SENP6: variants seen among roughly 807,000 people sequenced by gnomAD.
SENP6 encodes the protein sentrin-specific protease 6.
Under a neutral mutation model 134.5 loss-of-function variants are expected in SENP6, and 41 were observed. That is an observed-to-expected ratio of 0.30 (90% CI 0.24 to 0.40). SENP6 has a LOEUF of 0.40. SENP6 is among the 10% of genes least tolerant of loss of function. SENP6 has a pLI of 1.00. For missense variants in SENP6, 1,248 were observed against 1,312.5 expected (o/e 0.95, Z 0.76); for synonymous variants, 395 against 429.8 (o/e 0.92, Z 1.00).
chr6:75,642,765 G>A (rs569162999), intron 6 of SENP6, among the ~76,000 whole-genome samples: 74 of 152,196 alleles, frequency 4.9e-4, no homozygotes, highest in Non-Finnish European at 9.4e-4. Context: ...TTTATAATTT[G>A]GCATAAATAG....
chr6:75,672,475 T>G (rs1053260182), intron 11 of SENP6, among the ~76,000 whole-genome samples: 1 of 152,226 alleles, frequency 6.6e-6, no homozygotes, highest in Non-Finnish European at 1.5e-5. Context: ...TAATGCTAAA[T>G]GAAATATTCC....
chr6:75,676,987 T>C (rs1432292046), intron 13 of SENP6, 43 bp from the exon 14 acceptor site: 1 of 902,076 alleles, frequency 1.1e-6, no homozygotes, highest in East Asian at 2.7e-5. Context: ...ATCTATTTAC[T>C]TCTTTTGTGT....
At chr6:75,652,244 C>A (rs959242695) in intron 7 of SENP6, among the ~76,000 whole-genome samples, 1 of 151,620 alleles carries the variant, frequency 6.6e-6, no homozygotes, top group African/African-American at 2.4e-5. Flanking sequence ...TTTTTTTGAC[C>A]TCGTGATCCG....
chr6:75,670,468 A>G (rs1252090092), intron 10 of SENP6, 85 bp from the exon 11 acceptor site: 2 of 850,348 alleles, frequency 2.4e-6, no homozygotes, highest in Non-Finnish European at 1.8e-6. Context: ...TACATTTCTT[A>G]TATTGGGTCT....
intron 5 of SENP6, among the ~76,000 whole-genome samples, chr6:75,636,050 A>C (rs1018782623): frequency 4.6e-5 from 7 of 152,104 alleles, no homozygotes; most frequent in Non-Finnish European, 8.8e-5. Context: ...TAATGTTAAA[A>C]AAAAACAACC....
intron 18 of SENP6, among the ~76,000 whole-genome samples, chr6:75,700,682 G>A (rs778281126): frequency 1.2e-4 from 18 of 152,098 alleles, no homozygotes; most frequent in Non-Finnish European, 2.2e-4. Flanking sequence ...GGTAGAGACG[G>A]GGTTTTGCCA....
intron 11 of SENP6, among the ~76,000 whole-genome samples, chr6:75,673,944 C>G (rs1772881296): frequency 6.6e-6 from 1 of 151,772 alleles, no homozygotes; most frequent in Admixed American, 6.6e-5. Context: ...TCACTTGAAC[C>G]CGGGAGGTGG....
chr6:75,623,589 T>C (rs1226886910), intron 2 of SENP6, among the ~76,000 whole-genome samples: 1 of 152,188 alleles, frequency 6.6e-6, no homozygotes, highest in Non-Finnish European at 1.5e-5. Context: ...CATAACTAAA[T>C]AAACAGAATT....
rs774833035 is a variant in SENP6 at position 75,621,604 on chromosome 6, G to C, written c.125G>C (p.Ser42Thr). The C allele has an allele frequency of 8.7e-6, 14 of 1,606,796 alleles. No individual in the cohort carries two copies. The East Asian group carries it at 2.2e-4, about 26-fold the overall frequency. The change falls in exon 2 of 24, where the codon AGT becomes ACT. Residue 42 changes from serine (S) to threonine (T), a missense_variant. Transcript: ENST00000447266. Reference sequence around the variant, plus strand: ...TGGAGCTTTGATCATGAAGAAGAAAGTGAAGGAGATACAGATAAAGAGTAA... The same window carrying C: ...TGGAGCTTTGATCATGAAGAAGAAACTGAAGGAGATACAGATAAAGAGTAA... ...NNWSFDHEEE[S>T]EGDTDKDGTN...
At chr6:75,643,869 A>C (rs992824953) in intron 6 of SENP6, among the ~76,000 whole-genome samples, 1 of 152,202 alleles carries the variant, frequency 6.6e-6, no homozygotes, top group Non-Finnish European at 1.5e-5. Flanking sequence ...GTATTTGGCC[A>C]TCTTTTATAA....
chr6:75,602,817 A>G (rs889484866), intron 1 of SENP6, among the ~76,000 whole-genome samples: 2 of 152,208 alleles, frequency 1.3e-5, no homozygotes, highest in Non-Finnish European at 2.9e-5. Context: ...GCTACGAGCC[A>G]GAGTTGGTGG....
intron 18 of SENP6, among the ~76,000 whole-genome samples, chr6:75,700,720 G>C (rs1774968910): frequency 6.6e-6 from 1 of 152,160 alleles, no homozygotes; most frequent in Non-Finnish European, 1.5e-5. Flanking sequence ...TCCAACTCCT[G>C]AGCTCAAGCG....
Position 75,633,599 on chromosome 6 carries a change from A to C in SENP6, c.226A>C (p.Ile76Leu). Residue 76 changes from isoleucine to leucine, a missense_variant, in exon 4 of 24, where the codon ATT (isoleucine) becomes CTT (leucine). Physicochemically the swap from Ile to Leu is conservative, Grantham distance 5. Coordinates refer to ENST00000447266, the MANE Select transcript of SENP6 (RefSeq NM_015571.4). ...TTTACAGTTAAATCGTCGATCTGAA[A>C]TTGTTGCTAATAGCTCTGGTGAATT... ...KGKKLNRRSE[I>L]VANSSGEFIL... The C allele has an allele frequency of 6.3e-7, 1 of 1,597,698 alleles. No homozygotes were observed. Among genetic ancestry groups the C allele is most frequent in the South Asian group, 1.1e-5 (1 of 87,064 alleles).
chr6:75,705,052 A>G (rs901400030), intron 19 of SENP6, among the ~76,000 whole-genome samples: 1 of 152,208 alleles, frequency 6.6e-6, no homozygotes, highest in Non-Finnish European at 1.5e-5. Context: ...TTCCCTTTCT[A>G]CATAGACACA....
chr6:75,657,488 T>C (rs1289734968), intron 7 of SENP6, among the ~76,000 whole-genome samples: 2 of 152,178 alleles, frequency 1.3e-5, no homozygotes, highest in African/African-American at 4.8e-5. Flanking sequence ...AATCATTATC[T>C]CTGTGTCACA....
chr6:75,686,908 T>C (rs1352732180), intron 16 of SENP6, among the ~76,000 whole-genome samples: 2 of 152,156 alleles, frequency 1.3e-5, no homozygotes, highest in Non-Finnish European at 2.9e-5. Context: ...ATCTTTGTGG[T>C]GTTCTCTGCA....
chr6:75,710,519 T>G (rs1021321635), intron 20 of SENP6, among the ~76,000 whole-genome samples: 1 of 152,192 alleles, frequency 6.6e-6, no homozygotes, highest in African/African-American at 2.4e-5. Flanking sequence ...TTGCTTAATC[T>G]TCCAGTGAAC....
chr6:75,708,086 G>A (rs1225314335), intron 19 of SENP6, among the ~76,000 whole-genome samples: 1 of 152,100 alleles, frequency 6.6e-6, no homozygotes, highest in East Asian at 1.9e-4. Flanking sequence ...TTGAGACAGA[G>A]TCTTGCTCTA....
intron 18 of SENP6, among the ~76,000 whole-genome samples, chr6:75,701,195 G>A (rs941702518): frequency 2.0e-5 from 3 of 152,168 alleles, no homozygotes; most frequent in African/African-American, 7.2e-5. Context: ...CCCTACCATA[G>A]GACAAATATT....
Sources: gnomAD v4.1 joint callset for allele counts (sites outside exome capture counted in the v4.1 genomes callset) on GRCh38, gnomAD v4.1.1 for gene constraint, MANE v1.5 for transcripts, NCBI Gene and HGNC (gene_info 2026-07-23, HGNC 2026-07-21) for gene names.